Variants in ADCY8 observed in about 807,000 individuals in gnomAD.
The protein encoded by ADCY8 is adenylate cyclase 8.
Under a neutral mutation model 119.7 loss-of-function variants are expected in ADCY8, and 51 were observed. That is an observed-to-expected ratio of 0.43 (90% CI 0.34 to 0.54). ADCY8 has a LOEUF of 0.54. Ranked by LOEUF, ADCY8 falls within the 20% of genes least tolerant of loss-of-function variation. The pLI is 0.03. For synonymous variants in ADCY8, 665 were observed against 651.0 expected (o/e 1.02, Z -0.33); for missense variants, 1,383 against 1,598.8 (o/e 0.87, Z 2.30).
intron 15 of ADCY8, among the ~76,000 whole-genome samples, chr8:130,792,545 T>C (rs1815456068): frequency 2.0e-5 from 3 of 152,202 alleles, no homozygotes; most frequent in South Asian, 2.1e-4. Flanking sequence ...ACCCCCATCT[T>C]GGTTAGTGGT....
At chr8:130,913,424 A>G (rs1395371429) in intron 5 of ADCY8, among the ~76,000 whole-genome samples, 5 of 152,094 alleles carry the variant, frequency 3.3e-5, no homozygotes, top group African/African-American at 1.2e-4. Context: ...GATTCTGCAA[A>G]TAAGTGCAAA....
chr8:130,807,562 C>A (rs1378742944), intron 14 of ADCY8, among the ~76,000 whole-genome samples: 1 of 152,180 alleles, frequency 6.6e-6, no homozygotes, highest in Non-Finnish European at 1.5e-5. Context: ...CATGTGGGGG[C>A]ACAGAGTTTA....
chr8:130,988,043 T>C (rs1416188173), intron 2 of ADCY8, among the ~76,000 whole-genome samples: 2 of 152,242 alleles, frequency 1.3e-5, no homozygotes, highest in Non-Finnish European at 2.9e-5. Flanking sequence ...TCAGGAAGGA[T>C]GTTATTATTC....
chr8:130,836,198 A>G, intron 12 of ADCY8, 79 bp downstream of exon 12: 1 of 1,433,468 alleles, frequency 7.0e-7, no homozygotes, highest in Non-Finnish European at 9.5e-7. Flanking sequence ...TTAGTAATGC[A>G]GCGGGCATCA....
chr8:130,836,461 G>T lies in ADCY8; in HGVS notation c.2503-12C>A, dbSNP rs745538256. ...GTGAAGACAAAGTACTGGAAACAGAGAATGCAGGTGGTCAGATTCAATGGG... is the reference window on the plus strand; with the variant it reads ...GTGAAGACAAAGTACTGGAAACAGATAATGCAGGTGGTCAGATTCAATGGG... On this transcript the variant is annotated splice_polypyrimidine_tract_variant and intron_variant, in intron 11 of 17. Coordinates refer to ENST00000286355, the MANE Select transcript of ADCY8 (RefSeq NM_001115.3). The T allele has an allele frequency of 1.9e-6, 3 of 1,611,370 alleles. No individual in the cohort carries two copies. The highest frequency in any genetic ancestry group is 1.7e-6 in the Non-Finnish European group (2 of 1,178,686).
chr8:130,898,362 G>GT (rs773842185), intron 7 of ADCY8, among the ~76,000 whole-genome samples: 1 of 152,304 alleles, frequency 6.6e-6, no homozygotes, highest in African/African-American at 2.4e-5. Context: ...CCTTGTGGAT[G>GT]TTTATCTATA....
intron 8 of ADCY8, among the ~76,000 whole-genome samples, chr8:130,871,326 T>G (rs1245364978): frequency 6.6e-6 from 1 of 152,218 alleles, no homozygotes; most frequent in Non-Finnish European, 1.5e-5. Context: ...TATATCTCAG[T>G]TGTGAGCATG....
At chr8:130,839,950 T>C (rs550462262) in intron 11 of ADCY8, among the ~76,000 whole-genome samples, 8 of 140,190 alleles carry the variant, frequency 5.7e-5, no homozygotes, top group African/African-American at 2.0e-4. Context: ...TCAGGATTAA[T>C]TGAGAAAAGC....
intron 12 of ADCY8, among the ~76,000 whole-genome samples, chr8:130,831,760 C>T (rs1206845567): frequency 6.6e-6 from 1 of 152,088 alleles, no homozygotes; most frequent in African/African-American, 2.4e-5. Flanking sequence ...CACCACATGC[C>T]TTTGAGGAGG....
intron 1 of ADCY8, among the ~76,000 whole-genome samples, chr8:131,019,390 T>G (rs1411955089): frequency 6.6e-6 from 1 of 152,192 alleles, no homozygotes; most frequent in Admixed American, 6.5e-5. Flanking sequence ...GGCACAGTGA[T>G]TTTGTGTAGG....
chr8:130,852,729 CT>C (rs961759395), intron 9 of ADCY8, among the ~76,000 whole-genome samples: 447 of 149,422 alleles, frequency 3.0e-3, no homozygotes, highest in Non-Finnish European at 4.4e-3. Flanking sequence ...TCTCTCCTGC[CT>C]TTTTTTTTTC....
At chr8:130,878,424 T>C (rs896498610) in intron 8 of ADCY8, among the ~76,000 whole-genome samples, 5 of 152,202 alleles carry the variant, frequency 3.3e-5, no homozygotes, top group East Asian at 1.9e-4. Context: ...ATTATTAGTC[T>C]CTTGGAGACA....
chr8:130,818,071 A>G (rs1816399809), intron 13 of ADCY8, among the ~76,000 whole-genome samples: 1 of 152,222 alleles, frequency 6.6e-6, no homozygotes. Flanking sequence ...TACAGTACAA[A>G]CAAAACAAAA....
intron 16 of ADCY8, 24 bp from the exon 17 acceptor site, chr8:130,783,829 A>G: frequency 6.4e-7 from 1 of 1,570,436 alleles, no homozygotes; most frequent in Non-Finnish European, 8.7e-7. Flanking sequence ...GAGGAGAAGA[A>G]ATCATTTAAT....
At chr8:130,985,218 T>A (rs1487137014) in intron 2 of ADCY8, among the ~76,000 whole-genome samples, 1 of 152,030 alleles carries the variant, frequency 6.6e-6, no homozygotes, top group African/African-American at 2.4e-5. Context: ...AAGGCAAGGG[T>A]ATAGCAGAAT....
intron 13 of ADCY8, among the ~76,000 whole-genome samples, chr8:130,819,565 C>T (rs1816445221): frequency 6.6e-6 from 1 of 152,192 alleles, no homozygotes; most frequent in Admixed American, 6.5e-5. Flanking sequence ...GTTCTCTCAG[C>T]TATTTCCAGG....
rs180867509 is a variant in ADCY8 at position 131,039,923 on chromosome 8, G to A, written c.411C>T (p.Ser137=). Reference sequence around the variant, plus strand: ...CCCCATTAAGAAAGAAATCCGAGTTGCTAGGGGCACAGTCAAGGTGCAGGA... The same window carrying A: ...CCCCATTAAGAAAGAAATCCGAGTTACTAGGGGCACAGTCAAGGTGCAGGA... ...LGFLHLDCAP[S]NSDFFLNGGY... The change falls in exon 1 of 18, where the codon AGC becomes AGT. Residue 137 remains serine, a synonymous_variant. Transcript: ENST00000286355. The A allele has an allele frequency of 3.7e-6, 6 of 1,609,722 alleles. No individual in the cohort carries two copies. The African/African-American group carries it at 8.0e-5, about 22-fold the overall frequency.
At chr8:130,909,894 C>A in intron 5 of ADCY8, 28 bp from the exon 6 acceptor site, 1 of 1,604,678 alleles carries the variant, frequency 6.2e-7, no homozygotes, top group Non-Finnish European at 8.5e-7. Flanking sequence ...TGGAGAGACA[C>A]ATGTATAAGA....
At chr8:130,927,745 A>G (rs1820515751) in intron 5 of ADCY8, among the ~76,000 whole-genome samples, 1 of 152,074 alleles carries the variant, frequency 6.6e-6, no homozygotes. Flanking sequence ...TGTCATCTGC[A>G]AACAGAAACA....
Sources: allele counts gnomAD v4.1 joint callset (sites outside exome capture counted in the v4.1 genomes callset), GRCh38; gene constraint gnomAD v4.1.1; transcripts MANE v1.5; gene names NCBI Gene and HGNC (gene_info 2026-07-23, HGNC 2026-07-21).